AP3B1: variants seen among roughly 807,000 people sequenced by gnomAD.
AP3B1 encodes the protein adaptor related protein complex 3 subunit beta 1, also known as AP-3 complex subunit beta-1.
A neutral mutation model predicts 132.5 loss-of-function variants in AP3B1; 61 were observed. The ratio of observed to expected loss-of-function variants is 0.46; its 90% CI spans 0.37 to 0.57. The LOEUF is 0.57. Among genes scored for constraint, AP3B1 ranks in the 20% least tolerant of loss-of-function variants. The pLI is 0.00. For missense variants in AP3B1, 1,120 were observed against 1,289.4 expected, an observed-to-expected ratio of 0.87 and a Z score of 2.01; for synonymous variants, 388 against 438.3, an observed-to-expected ratio of 0.89 and a Z score of 1.43.
chr5:78,019,039 G>A (rs1207039098), intron 25 of AP3B1, among the ~76,000 whole-genome samples: 1 of 152,098 alleles, frequency 6.6e-6, no homozygotes, highest in Admixed American at 6.6e-5. Context: ...AGACTTGCAA[G>A]GATTTACAAA....
At chr5:78,080,836 G>A (rs1423843498) in intron 22 of AP3B1, among the ~76,000 whole-genome samples, 1 of 152,078 alleles carries the variant, frequency 6.6e-6, no homozygotes, top group African/African-American at 2.4e-5. Flanking sequence ...ATGAAAATAT[G>A]ATCGGTGGAA....
At chr5:78,060,685 ATTTT>A (rs984324113) in intron 22 of AP3B1, among the ~76,000 whole-genome samples, 5 of 151,918 alleles carry the variant, frequency 3.3e-5, no homozygotes, top group Non-Finnish European at 5.9e-5. Context: ...ATCATGACTT[ATTTT>A]TTTATTTGCC....
chr5:78,201,422 A>G (rs1745284274), intron 7 of AP3B1, among the ~76,000 whole-genome samples: 2 of 152,224 alleles, frequency 1.3e-5, no homozygotes, highest in African/African-American at 4.8e-5. Flanking sequence ...GAGAATGGAT[A>G]AACTATGGAA....
chr5:78,239,394 C>G (rs1219004622), intron 3 of AP3B1, among the ~76,000 whole-genome samples: 1 of 149,874 alleles, frequency 6.7e-6, no homozygotes, highest in Non-Finnish European at 1.5e-5. Context: ...TCACCTAAAC[C>G]CAAGAGGTCA....
chr5:78,197,552 A>G (rs548435810), intron 7 of AP3B1, among the ~76,000 whole-genome samples: 1 of 152,308 alleles, frequency 6.6e-6, no homozygotes, highest in Non-Finnish European at 1.5e-5. Flanking sequence ...GTTCACAAAA[A>G]TAGTAATAAG....
At chr5:78,019,740 G>A (rs552610980) in intron 25 of AP3B1, among the ~76,000 whole-genome samples, 2 of 152,026 alleles carry the variant, frequency 1.3e-5, no homozygotes, top group Admixed American at 1.3e-4. Flanking sequence ...AATTGCAAAG[G>A]CTTAGAGTAA....
At chr5:78,273,277 C>T (rs867538512) in intron 1 of AP3B1, among the ~76,000 whole-genome samples, 5 of 152,118 alleles carry the variant, frequency 3.3e-5, no homozygotes, top group East Asian at 1.9e-4. Context: ...TGGTGACATG[C>T]GCCTGTAATC....
chr5:78,001,639 T>C (rs1386539356), downstream of AP3B1: 5 of 152,228 alleles, frequency 3.3e-5, no homozygotes, highest in Non-Finnish European at 2.9e-5. Context: ...CTTTTCAATA[T>C]GTATGTTCCA....
intron 22 of AP3B1, among the ~76,000 whole-genome samples, chr5:78,085,358 A>G (rs1171883099): frequency 6.6e-6 from 1 of 152,180 alleles, no homozygotes; most frequent in Non-Finnish European, 1.5e-5. Flanking sequence ...TCTATGAATA[A>G]TGTGTTTATA....
intron 26 of AP3B1, among the ~76,000 whole-genome samples, chr5:78,008,797 C>T (rs184242212): frequency 6.6e-6 from 1 of 152,110 alleles, no homozygotes; most frequent in East Asian, 1.9e-4. Flanking sequence ...ATTTGAAAAG[C>T]AAAAATTCTT....
chr5:78,068,112 G>A (rs895621777), intron 22 of AP3B1, among the ~76,000 whole-genome samples: 2 of 152,070 alleles, frequency 1.3e-5, no homozygotes, highest in African/African-American at 2.4e-5. Context: ...ATTACCTGAC[G>A]TCAGGAGTTG....
intron 17 of AP3B1, among the ~76,000 whole-genome samples, chr5:78,120,412 G>C (rs546931016): frequency 6.6e-6 from 1 of 152,338 alleles, no homozygotes; most frequent in South Asian, 2.1e-4. Flanking sequence ...TGGATAAAGA[G>C]TCAAGACCCA....
chr5:78,084,737 T>A (rs1750168056), intron 22 of AP3B1, among the ~76,000 whole-genome samples: 1 of 151,930 alleles, frequency 6.6e-6, no homozygotes, highest in Admixed American at 6.6e-5. Flanking sequence ...AGAAGAAAAT[T>A]AAATATAAAA....
At chr5:78,139,877 A>G (rs1753072159) in intron 15 of AP3B1, among the ~76,000 whole-genome samples, 1 of 152,160 alleles carries the variant, frequency 6.6e-6, no homozygotes. Context: ...CGAAGGGATG[A>G]AGGATGTCAG....
At chr5:78,113,100 C>T (rs772464743) in intron 19 of AP3B1, among the ~76,000 whole-genome samples, 2 of 152,172 alleles carry the variant, frequency 1.3e-5, no homozygotes, top group Non-Finnish European at 2.9e-5. Flanking sequence ...ACGACTGAGC[C>T]GGGCTGCAAG....
At chr5:78,249,419 C>T (rs1019808608) in intron 2 of AP3B1, among the ~76,000 whole-genome samples, 1 of 152,008 alleles carries the variant, frequency 6.6e-6, no homozygotes, top group African/African-American at 2.4e-5. Context: ...GGGAAGTTTT[C>T]TACCATTATT....
rs968232662 is a variant in AP3B1, at chr5:78,261,840, C to T, written c.204+5680G>A. Among the ~76,000 whole-genome samples the T allele has an allele frequency of 1.6e-3, 240 of 151,460 alleles. 1 individual carries two copies. Among genetic ancestry groups the T allele is most frequent in the Non-Finnish European group, 1.5e-3 (99 of 67,928 alleles). On this transcript the variant is annotated intron_variant, in intron 2 of 26. Transcript: ENST00000255194. Reference sequence around the variant, plus strand: ...GATCTTGGCTCGCTGCAACCTCTGCCTCCTGGGTTCAAGCAATTCTCCTGC... The same window carrying T: ...GATCTTGGCTCGCTGCAACCTCTGCTTCCTGGGTTCAAGCAATTCTCCTGC...
Position 78,096,221 on chromosome 5 carries a change from C to G in AP3B1, c.2470+4732G>C, listed in dbSNP as rs553046392. Among the ~76,000 whole-genome samples the G allele has an allele frequency of 9.2e-5, 14 of 152,338 alleles. No individual in the cohort carries two copies. The East Asian group carries it at 1.5e-3, about 17-fold the overall frequency. On this transcript the variant is annotated intron_variant, in intron 21 of 26. Transcript: ENST00000255194. ...GGAGACGGGGTTTCGCTGTGTTGGC[C>G]GGGCTGATCTCCAGCTCCTAACCGC...
chr5:78,072,525 G>C (rs897861403), intron 22 of AP3B1, among the ~76,000 whole-genome samples: 2 of 151,784 alleles, frequency 1.3e-5, no homozygotes, highest in Admixed American at 6.6e-5. Flanking sequence ...TTGTTTTTTG[G>C]GGGGAGTATT....
Sources: gnomAD v4.1 joint callset for allele counts (sites outside exome capture counted in the v4.1 genomes callset) on GRCh38, gnomAD v4.1.1 for gene constraint, MANE v1.5 for transcripts, NCBI Gene and HGNC (gene_info 2026-07-23, HGNC 2026-07-21) for gene names.